Variants in RBM5 observed in about 807,000 individuals in gnomAD.
RBM5 encodes the protein RNA-binding protein 5.
RBM5 carries 15 observed loss-of-function variants against 124.6 expected under a neutral mutation model. The observed-to-expected ratio is 0.12, with a 90% CI of 0.08 to 0.19. The LOEUF (loss-of-function observed/expected upper bound fraction) is 0.19. Among genes scored for constraint, RBM5 ranks in the 10% least tolerant of loss-of-function variants. RBM5 has a pLI of 1.00. For synonymous variants in RBM5, 337 were observed against 361.2 expected, an observed-to-expected ratio of 0.93 and a Z score of 0.76; for missense variants, 580 against 1,026.5, an observed-to-expected ratio of 0.57 and a Z score of 5.94.
chr3:50,103,172 C>T lies in RBM5; in HGVS notation c.567+6C>T. ...AAGATTGGCTTTGTAACAAGGTAAG[C>T]ATATGTTCTTCCCAAATAGACAAAA... On this transcript the variant is annotated splice_donor_region_variant and intron_variant, in intron 7 of 24. Coordinates refer to ENST00000347869, the MANE Select transcript of RBM5 (RefSeq NM_005778.4). 1 of 1,595,442 alleles carries T rather than the reference C, an allele frequency of 6.3e-7. No individual in the cohort carries two copies. Among genetic ancestry groups the T allele is most frequent in the Non-Finnish European group, 8.6e-7 (1 of 1,163,328 alleles).
chr3:50,105,845 T>C (rs550136064), intron 10 of RBM5, 136 bp downstream of exon 10: 1 of 905,550 alleles, frequency 1.1e-6, no homozygotes, highest in Non-Finnish European at 1.6e-6. Context: ...TTTGCACTGC[T>C]AAATTACAGG....
Position 50,107,501 on chromosome 3 carries a change from G to A in RBM5, c.973G>A (p.Gly325Ser), listed in dbSNP as rs1198730155. 15 of 1,605,396 alleles carry A rather than the reference G, an allele frequency of 9.3e-6. No homozygotes were observed. The highest frequency in any genetic ancestry group is 1.2e-5 in the Non-Finnish European group (14 of 1,172,404). ...TTTCAGAGACTTGGTCCTCTCAGATGGTAACCGCGTCAGCGCTTTCTCTGT... is the reference window on the plus strand; with the variant it reads ...TTTCAGAGACTTGGTCCTCTCAGATAGTAACCGCGTCAGCGCTTTCTCTGT... ...SARKDLVLSD[G>S]NRVSAFSVAS... Residue 325 changes from glycine (G) to serine (S), a missense_variant, in exon 12 of 25, where the codon GGT becomes AGT. By Grantham distance (56) the Gly-to-Ser change is moderately conservative. This residue lies in a region of RBM5 where 42 missense variants were observed against 101.1 expected (regional missense o/e 0.42). Transcript: ENST00000347869.
chr3:50,096,324 CAA>C (rs10711228), intron 4 of RBM5, among the ~76,000 whole-genome samples: 206 of 139,930 alleles, frequency 1.5e-3, no homozygotes, highest in Admixed American at 1.4e-3. Flanking sequence ...CGCATCTCTC[CAA>C]AAAAAAAAAA....
At chr3:50,103,336 A>G (rs944080077) in intron 7 of RBM5, among the ~76,000 whole-genome samples, 170 bp downstream of exon 7, 2 of 152,226 alleles carry the variant, frequency 1.3e-5, no homozygotes, top group African/African-American at 4.8e-5. Flanking sequence ...TGATAGAACT[A>G]GAGGTTTCGT....
chr3:50,091,999 CA>C, intron 2 of RBM5, 43 bp from the exon 3 acceptor site: 4 of 1,593,714 alleles, frequency 2.5e-6, no homozygotes, highest in Non-Finnish European at 3.4e-6. Context: ...TTTAAAGGTA[CA>C]AAATGTGACT....
At chr3:50,094,662 G>T (rs1386616774) in intron 4 of RBM5, among the ~76,000 whole-genome samples, 1 of 152,082 alleles carries the variant, frequency 6.6e-6, no homozygotes, top group Non-Finnish European at 1.5e-5. Context: ...TTTTTGTAGA[G>T]CCAGGCTGGG....
At chr3:50,118,230 T>C (rs963091375) in intron 24 of RBM5, 101 bp from the exon 25 acceptor site, 19 of 1,487,636 alleles carry the variant, frequency 1.3e-5, no homozygotes, top group Middle Eastern at 1.8e-4. Context: ...TTCTCTCTTC[T>C]GTCTCCTGGT....
intron 7 of RBM5, 27 bp downstream of exon 7, chr3:50,103,193 CA>C (rs1260293242): frequency 6.5e-7 from 1 of 1,532,068 alleles, no homozygotes; most frequent in South Asian, 1.1e-5. Flanking sequence ...CCCAAATAGA[CA>C]AAACTCCTTT....
chr3:50,110,186 G>T (rs1242343381), intron 15 of RBM5, among the ~76,000 whole-genome samples, 193 bp from the exon 16 acceptor site: 1 of 152,198 alleles, frequency 6.6e-6, no homozygotes, highest in East Asian at 1.9e-4. Context: ...AGTCCAGTTT[G>T]GGCAACAGAG....
Position 50,105,480 on chromosome 3 carries a change from A to G in RBM5, c.695-69A>G, listed in dbSNP as rs954351740. On this transcript the variant is annotated intron_variant, in intron 9 of 24. Coordinates refer to ENST00000347869, the MANE Select transcript of RBM5 (RefSeq NM_005778.4). ...AATGGATTTGTATGTACTTGACCCT[A>G]TCTTGGAAAACTTTGGTACATTGGT... 114 of 1,501,650 alleles carry G rather than the reference A, an allele frequency of 7.6e-5. 2 individuals are homozygous for G. The Admixed American group carries it at 1.7e-3, about 22-fold the overall frequency. The allele number at this position is 1,501,650 out of a possible 1,614,324, so 93.0% of individuals were successfully genotyped here.
intron 12 of RBM5, among the ~76,000 whole-genome samples, 200 bp downstream of exon 12, chr3:50,107,769 C>G (rs956822979): frequency 7.2e-6 from 1 of 138,886 alleles, no homozygotes; most frequent in Non-Finnish European, 1.5e-5. Flanking sequence ...TCACTGCAAG[C>G]TCCACCTTCC....
chr3:50,091,990 T>C, intron 2 of RBM5, 53 bp from the exon 3 acceptor site: 1 of 1,572,364 alleles, frequency 6.4e-7, no homozygotes, highest in Non-Finnish European at 8.8e-7. Context: ...ACTATGTCTT[T>C]TAAAGGTACA....
At chr3:50,114,597 T>C (rs1017256770) in intron 20 of RBM5, 6 of 226,350 alleles carry the variant, frequency 2.7e-5, no homozygotes, top group African/African-American at 1.2e-4. Flanking sequence ...TATTCTGATA[T>C]GTTGTATTTG....
chr3:50,115,698 C>A, intron 21 of RBM5, 91 bp downstream of exon 21: 1 of 1,437,638 alleles, frequency 7.0e-7, no homozygotes, highest in Non-Finnish European at 9.4e-7. Flanking sequence ...CCAAAAATAC[C>A]TGCCATCTAA....
intron 11 of RBM5, 145 bp downstream of exon 11, chr3:50,107,009 T>G (rs1350985340): frequency 2.7e-6 from 2 of 748,052 alleles, no homozygotes; most frequent in Non-Finnish European, 4.7e-6. Flanking sequence ...CACGTTTGTC[T>G]TCTTTTAGTG....
chr3:50,094,156 AT>A (rs145309164), intron 4 of RBM5: 6,075 of 165,320 alleles, frequency 0.037, 2 homozygotes, highest in South Asian at 0.13. Flanking sequence ...ACTTTAAATA[AT>A]TTTTTTTTTT....
In RBM5 at chr3:50,108,078, T is replaced by C; in HGVS notation, c.1050T>C (p.Ser350=). 1 of 1,606,258 alleles carries C rather than the reference T, an allele frequency of 6.2e-7. No individual in the cohort carries two copies. Among genetic ancestry groups the C allele is most frequent in the Non-Finnish European group, 8.5e-7 (1 of 1,172,814 alleles). Residue 350 remains serine (S), a synonymous_variant, in exon 13 of 25, where the codon AGT becomes AGC. Transcript: ENST00000347869. ...AAQWSSTQSQ[S]GEGGSVDYSY... ...ATTTTGATGTTTTGTAGTCTCAAAG[T>C]GGTGAAGGAGGCAGTGTTGACTACA...
Position 50,100,911 on chromosome 3 carries a change from C to A in RBM5, c.483+306C>A. On this transcript the variant is annotated intron_variant, in intron 6 of 24. Transcript: ENST00000347869. This position sits in a 1 kb window ranked among gnomAD's most constrained non-coding sequence, Gnocchi z 5.1. ...CTAGTTTGTTATATTCCTATTATGT[C>A]CATTGAGAGTAAGCTTAGTATATCA... 1 of 254,250 alleles carries A rather than the reference C, an allele frequency of 3.9e-6. No homozygotes were observed. Among genetic ancestry groups the A allele is most frequent in the Non-Finnish European group, 7.4e-6 (1 of 134,266 alleles). 15.7% of individuals were successfully genotyped at this position (254,250 alleles called of 1,614,324 possible).
At chr3:50,105,521 G>A (rs750592315) in intron 9 of RBM5, 28 bp from the exon 10 acceptor site, 8 of 1,605,528 alleles carry the variant, frequency 5.0e-6, no homozygotes, top group Non-Finnish European at 6.8e-6. Flanking sequence ...GAATGCATGT[G>A]TATGTCATTT....
Sources: gnomAD v4.1 joint callset for allele counts (sites outside exome capture counted in the v4.1 genomes callset) on GRCh38, gnomAD v4.1.1 for gene constraint, gnomAD v4.1.1 regional missense constraint, Gnocchi (gnomAD v3.1) non-coding constraint, MANE v1.5 for transcripts, NCBI Gene and HGNC (gene_info 2026-07-23, HGNC 2026-07-21) for gene names.